NKAIN3: variants seen among roughly 807,000 people sequenced by gnomAD.
The protein encoded by NKAIN3 is sodium/potassium-transporting ATPase subunit beta-1-interacting protein 3.
In NKAIN3, 25 loss-of-function variants were observed where a neutral mutation model predicts 30.2. That is an observed-to-expected ratio of 0.83 (90% CI 0.60 to 1.16). The LOEUF is 1.16. Ranked by LOEUF, NKAIN3 falls within the 50% of genes most tolerant of loss-of-function variation. NKAIN3 has a pLI of 0.00. For missense variants in NKAIN3, 225 were observed against 254.1 expected (o/e 0.89, Z 0.78); for synonymous variants, 91 against 89.6 (o/e 1.02, Z -0.09).
intron 1 of NKAIN3, among the ~76,000 whole-genome samples, chr8:62,407,625 G>A (rs897595521): frequency 6.6e-6 from 1 of 152,020 alleles, no homozygotes; most frequent in Non-Finnish European, 1.5e-5. Flanking sequence ...TTGAGTTGGG[G>A]TTTCACCGTG....
chr8:62,744,232 C>G (rs1185747103), intron 3 of NKAIN3, among the ~76,000 whole-genome samples: 3 of 152,052 alleles, frequency 2.0e-5, no homozygotes, highest in Non-Finnish European at 2.9e-5. Context: ...ATTTTCAGAG[C>G]TCCCACACAA....
intron 5 of NKAIN3, among the ~76,000 whole-genome samples, chr8:62,949,110 C>A (rs1365909991): frequency 2.0e-5 from 3 of 152,208 alleles, no homozygotes; most frequent in Non-Finnish European, 4.4e-5. Flanking sequence ...CTTCATGTGA[C>A]ATGTAGTGAA....
intron 3 of NKAIN3, among the ~76,000 whole-genome samples, chr8:62,727,291 A>G (rs1234750824): frequency 2.0e-5 from 3 of 152,168 alleles, no homozygotes; most frequent in Non-Finnish European, 4.4e-5. Context: ...ATCAGGAACA[A>G]GGCAAGAACG....
At chr8:62,405,696 T>A (rs890092816) in intron 1 of NKAIN3, among the ~76,000 whole-genome samples, 1 of 152,204 alleles carries the variant, frequency 6.6e-6, no homozygotes, top group African/African-American at 2.4e-5. Context: ...TTCAGTGATG[T>A]GAGCTAAAAC....
At chr8:62,871,978 A>T (rs1420423526) in intron 4 of NKAIN3, among the ~76,000 whole-genome samples, 1 of 152,254 alleles carries the variant, frequency 6.6e-6, no homozygotes, top group African/African-American at 2.4e-5. Flanking sequence ...TTAATGACAA[A>T]CCACATATAC....
intron 1 of NKAIN3, among the ~76,000 whole-genome samples, chr8:62,465,205 T>C (rs1806124850): frequency 6.6e-6 from 1 of 152,202 alleles, no homozygotes; most frequent in African/African-American, 2.4e-5. Flanking sequence ...TTGTATACGT[T>C]GCAAGTAACA....
intron 4 of NKAIN3, among the ~76,000 whole-genome samples, chr8:62,756,860 A>G (rs1194981427): frequency 2.0e-5 from 3 of 152,198 alleles, no homozygotes; most frequent in Non-Finnish European, 4.4e-5. Context: ...TCGCTAAACA[A>G]CAGAATTCAG....
chr8:62,932,220 A>G (rs1336819329), intron 5 of NKAIN3, among the ~76,000 whole-genome samples: 2 of 152,218 alleles, frequency 1.3e-5, no homozygotes, highest in Non-Finnish European at 2.9e-5. Context: ...TAATTGATTC[A>G]CTCATTCAAG....
At chr8:62,811,240 T>C (rs762267282) in intron 4 of NKAIN3, among the ~76,000 whole-genome samples, 2 of 152,140 alleles carry the variant, frequency 1.3e-5, no homozygotes, top group African/African-American at 4.8e-5. Context: ...TTGATATGGG[T>C]GTACCATAGC....
intron 1 of NKAIN3, among the ~76,000 whole-genome samples, chr8:62,286,636 T>G (rs1813388048): frequency 6.6e-6 from 1 of 152,132 alleles, no homozygotes; most frequent in Non-Finnish European, 1.5e-5. Context: ...TCCTTAACAA[T>G]TGTCTGTACC....
chr8:62,306,155 G>A (rs1814232830), intron 1 of NKAIN3, among the ~76,000 whole-genome samples: 1 of 150,362 alleles, frequency 6.7e-6, no homozygotes, highest in Non-Finnish European at 1.5e-5. Context: ...AATTCTGCTT[G>A]TACTTTATCT....
intron 3 of NKAIN3, among the ~76,000 whole-genome samples, chr8:62,737,034 A>G (rs1266176706): frequency 6.6e-6 from 1 of 152,128 alleles, no homozygotes; most frequent in Admixed American, 6.5e-5. Flanking sequence ...TTGGGCACTC[A>G]CAGTTTTTTG....
intron 4 of NKAIN3, among the ~76,000 whole-genome samples, chr8:62,893,171 C>G (rs1821341060): frequency 1.3e-5 from 2 of 152,184 alleles, no homozygotes; most frequent in Non-Finnish European, 2.9e-5. Flanking sequence ...GGGCAACTTG[C>G]TCACCTCACC....
In NKAIN3 at chr8:62,595,665, C is replaced by T. The variant is rs1476847625; in HGVS notation, c.273+5871C>T. On this transcript the variant is annotated intron_variant, in intron 3 of 6. Transcript: ENST00000623646. ...CCGTTTTTAAAGGTGGATGTGGTCA[C>T]CTTCCCAGCTAGGCTTAGGGATTCT... Among the ~76,000 whole-genome samples the T allele has an allele frequency of 2.0e-5, 3 of 151,980 alleles. No homozygotes were observed. The South Asian group carries it at 6.2e-4, about 31-fold the overall frequency.
chr8:62,362,794 A>T (rs1223222075), intron 1 of NKAIN3, among the ~76,000 whole-genome samples: 2 of 151,942 alleles, frequency 1.3e-5, no homozygotes, highest in African/African-American at 4.8e-5. Context: ...CATGGTCAGA[A>T]CAAATTTATA....
chr8:62,322,657 T>C (rs942583813), intron 1 of NKAIN3, among the ~76,000 whole-genome samples: 4 of 152,228 alleles, frequency 2.6e-5, no homozygotes, highest in Non-Finnish European at 4.4e-5. Context: ...AAATAAATAC[T>C]ATGTGAGGGA....
intron 1 of NKAIN3, among the ~76,000 whole-genome samples, chr8:62,578,641 T>C (rs1810194846): frequency 7.2e-6 from 1 of 138,134 alleles, no homozygotes; most frequent in Non-Finnish European, 1.6e-5. Flanking sequence ...CAGGGATAGG[T>C]AGAAGGTTTT....
intron 4 of NKAIN3, among the ~76,000 whole-genome samples, chr8:62,880,712 T>TCTTCC (rs1485423531): frequency 3.3e-5 from 5 of 152,224 alleles, no homozygotes; most frequent in Non-Finnish European, 5.9e-5. Context: ...GGTTTAGGCA[T>TCTTCC]CTTCCCTATG....
chr8:62,987,564 A>C (rs576005026), downstream of NKAIN3, among the ~76,000 whole-genome samples: 1 of 151,942 alleles, frequency 6.6e-6, no homozygotes, highest in Admixed American at 6.6e-5. Flanking sequence ...GTCCAGGGGA[A>C]CTCTCCCTTA....
Sources: gnomAD v4.1 joint callset for allele counts (sites outside exome capture counted in the v4.1 genomes callset) on GRCh38, gnomAD v4.1.1 for gene constraint, MANE v1.5 for transcripts, NCBI Gene and HGNC (gene_info 2026-07-23, HGNC 2026-07-21) for gene names.